GALK2: variants seen among roughly 807,000 people sequenced by gnomAD.
GALK2 encodes galactokinase 2.
A neutral mutation model predicts 52.4 loss-of-function variants in GALK2; 36 were observed. The ratio of observed to expected loss-of-function variants is 0.69; its 90% CI spans 0.53 to 0.91. The LOEUF is 0.91. GALK2 is among the 40% of genes least tolerant of loss of function. The pLI, the probability that GALK2 is intolerant of heterozygous loss-of-function variation, is 0.00. For synonymous variants in GALK2, 176 were observed against 199.1 expected, an observed-to-expected ratio of 0.88 and a Z score of 0.98; for missense variants, 579 against 559.1, an observed-to-expected ratio of 1.04 and a Z score of -0.36.
At position 49,257,044 on chromosome 15, in the gene GALK2, T is replaced by C. The variant is rs181748075; in HGVS notation, c.504+17677T>C. 2.1e-3 allele frequency among the ~76,000 whole-genome samples: 326 copies of C among 152,292 alleles called. 2 individuals are homozygous for C. The highest frequency in any genetic ancestry group is 3.5e-3 in the Admixed American group (54 of 15,276). ...TTTATCCACATTGACTGAGGAGTTA[T>C]TATGTTCCAGGCAGGGTTGATCCAC... is the stretch of plus-strand genomic sequence containing the variant. On this transcript the variant is annotated intron_variant, in intron 5 of 9. Coordinates refer to ENST00000560031, the MANE Select transcript of GALK2 (RefSeq NM_002044.4).
intron 5 of GALK2, among the ~76,000 whole-genome samples, chr15:49,247,076 C>T (rs1051746809): frequency 6.6e-6 from 1 of 151,978 alleles, no homozygotes; most frequent in East Asian, 1.9e-4. Flanking sequence ...AAGTTCTCTC[C>T]GAGAAGAGGA....
At chr15:49,318,396 T>G (rs1038475490) in intron 8 of GALK2, among the ~76,000 whole-genome samples, 6 of 152,066 alleles carry the variant, frequency 3.9e-5, no homozygotes, top group South Asian at 2.1e-4. Context: ...TTCCTATCAG[T>G]TTTTTAAATT....
chr15:49,242,698 C>G (rs912116313), intron 5 of GALK2, among the ~76,000 whole-genome samples: 1 of 152,110 alleles, frequency 6.6e-6, no homozygotes, highest in African/African-American at 2.4e-5. Flanking sequence ...AACAATATGG[C>G]TAATCACCCA....
intron 1 of GALK2, among the ~76,000 whole-genome samples, chr15:49,159,593 TA>T: frequency 6.8e-6 from 1 of 146,868 alleles, no homozygotes; most frequent in South Asian, 2.2e-4. Flanking sequence ...AAAAAAAAAA[TA>T]AAATAAAATA....
chr15:49,316,207 T>C lies in GALK2; in HGVS notation c.968-3397T>C, dbSNP rs369501761. Among the ~76,000 whole-genome samples the C allele has an allele frequency of 1.6e-4, 24 of 152,258 alleles. No homozygotes were observed. In the South Asian group the frequency reaches 2.5e-3, roughly 16 times the overall value. ...AGTTGAAATGTAAACTGGTGGACAATTGGGAAAATTTAAATATGGACTGAA... is the reference window on the plus strand; with the variant it reads ...AGTTGAAATGTAAACTGGTGGACAACTGGGAAAATTTAAATATGGACTGAA... On this transcript the variant is annotated intron_variant, in intron 8 of 9. Transcript: ENST00000560031.
chr15:49,230,659 C>G lies in GALK2; in HGVS notation c.267-5192C>G, dbSNP rs114056656. Among the ~76,000 whole-genome samples the G allele has an allele frequency of 6.3e-3, 963 of 152,286 alleles. 20 individuals carry two copies. The highest frequency in any genetic ancestry group is 0.022 in the African/African-American group (922 of 41,542). On this transcript the variant is annotated intron_variant, in intron 3 of 9. Transcript: ENST00000560031. ...TTATTATAAATGGTCTACCCCAGAT[C>G]CAGACACACACAGGTGTCTTATAAT...
At chr15:49,273,925 A>G (rs2031199408) in intron 5 of GALK2, among the ~76,000 whole-genome samples, 1 of 152,190 alleles carries the variant, frequency 6.6e-6, no homozygotes, top group Non-Finnish European at 1.5e-5. Flanking sequence ...AGGACAGTTT[A>G]TTTCACTAGG....
At position 49,328,327 on chromosome 15, in the gene GALK2, A is replaced by ATGAT; in HGVS notation, c.*170_*173dup. On this transcript the variant is annotated 3_prime_UTR_variant, in exon 10 of 10. Transcript: ENST00000560031. ...GGTTGAAAGCTCTCTATGCTTCATAATGATTCTTTTTCCATCTTAAAATAT... is the reference window on the plus strand; with the variant it reads ...GGTTGAAAGCTCTCTATGCTTCATAATGATTGATTCTTTTTCCATCTTAAAATAT... 7.0e-7 allele frequency: 1 copy of ATGAT among 1,432,126 alleles called. No individual in the cohort carries two copies. Among genetic ancestry groups the ATGAT allele is most frequent in the African/African-American group, 1.4e-5 (1 of 69,736 alleles). The allele number at this position is 1,432,126 out of a possible 1,614,324, so 88.7% of individuals were successfully genotyped here.
At chr15:49,168,501 C>G (rs143417334), upstream of GALK2, among the ~76,000 whole-genome samples, 845 of 152,232 alleles carry the variant, frequency 5.6e-3, 6 homozygotes, top group African/African-American at 0.019. Context: ...GGCTGATCAC[C>G]TGAGGTCAGG....
In GALK2 at chr15:49,267,003, T is replaced by A. The variant is rs564553626; in HGVS notation, c.505-14984T>A. Among the ~76,000 whole-genome samples the A allele has an allele frequency of 1.2e-4, 18 of 152,112 alleles. No individual in the cohort carries two copies. The South Asian group carries it at 3.5e-3, about 30-fold the overall frequency. ...ACCTGGGAGGAACGAGATGATGAAC[T>A]AAAAACCAGTATGGAAGGGAGGTAC... On this transcript the variant is annotated intron_variant, in intron 5 of 9. Transcript: ENST00000560031.
intron 2 of GALK2, among the ~76,000 whole-genome samples, chr15:49,204,541 C>T (rs1485931109): frequency 1.3e-5 from 2 of 151,842 alleles, no homozygotes; most frequent in Non-Finnish European, 2.9e-5. Context: ...TTGTACAGGT[C>T]TTTTATCACC....
intron 9 of GALK2, among the ~76,000 whole-genome samples, chr15:49,324,721 A>G (rs1336635483): frequency 2.0e-5 from 3 of 152,110 alleles, no homozygotes; most frequent in Admixed American, 6.5e-5. Context: ...AGCAGAAGCT[A>G]GAAGTCTTCT....
chr15:49,305,187 CTG>C (rs1318360656), intron 8 of GALK2, among the ~76,000 whole-genome samples: 1 of 152,104 alleles, frequency 6.6e-6, no homozygotes, highest in East Asian at 1.9e-4. Flanking sequence ...AGGCGAGTAA[CTG>C]TGGATGGATC....
chr15:49,163,981 A>G (rs2084736875), intron 1 of GALK2, among the ~76,000 whole-genome samples: 5 of 152,178 alleles, frequency 3.3e-5, no homozygotes, highest in Admixed American at 3.3e-4. Context: ...GTGTGTTAGA[A>G]GAGCAGAAAA....
chr15:49,201,513 A>AT (rs2087773416), intron 2 of GALK2, among the ~76,000 whole-genome samples: 1 of 152,072 alleles, frequency 6.6e-6, no homozygotes, highest in South Asian at 2.1e-4. Context: ...AAATGAAAAT[A>AT]TTTTTCTAGG....
intron 8 of GALK2, among the ~76,000 whole-genome samples, chr15:49,308,235 C>T (rs536917251): frequency 6.6e-6 from 1 of 152,318 alleles, no homozygotes; most frequent in Admixed American, 6.5e-5. Context: ...CCTCATCCAT[C>T]TCTGGATTGC....
chr15:49,215,657 T>G (rs1481624472), intron 2 of GALK2, among the ~76,000 whole-genome samples: 4 of 152,372 alleles, frequency 2.6e-5, no homozygotes, highest in Non-Finnish European at 5.9e-5. Flanking sequence ...TTTAAGTTTG[T>G]TGAGCTTCCT....
chr15:49,319,835 G>A, intron 9 of GALK2, 30 bp downstream of exon 9: 1 of 1,580,542 alleles, frequency 6.3e-7, no homozygotes, highest in Non-Finnish European at 8.7e-7. Context: ...GCCAAGGGAT[G>A]CCATCAAATA....
chr15:49,315,884 G>GT (rs2036365822), intron 8 of GALK2, among the ~76,000 whole-genome samples: 1 of 151,704 alleles, frequency 6.6e-6, no homozygotes, highest in Admixed American at 6.6e-5. Flanking sequence ...ACCAGTCCTG[G>GT]GTTTAATAGA....
Sources: allele counts gnomAD v4.1 joint callset (sites outside exome capture counted in the v4.1 genomes callset), GRCh38; gene constraint gnomAD v4.1.1; transcripts MANE v1.5; gene names NCBI Gene and HGNC (gene_info 2026-07-23, HGNC 2026-07-21).